The following AMDHD1 variants were observed in gnomAD, a reference collection of about 807,000 sequenced individuals.
The protein encoded by AMDHD1 is probable imidazolonepropionase.
Under a neutral mutation model 44.1 loss-of-function variants are expected in AMDHD1, and 45 were observed. The ratio of observed to expected loss-of-function variants is 1.02; its 90% CI spans 0.80 to 1.31. The LOEUF (loss-of-function observed/expected upper bound fraction) is 1.31. Among genes scored for constraint, AMDHD1 ranks in the 50% most tolerant of loss-of-function variants. The probability of loss-of-function intolerance (pLI) is 0.00; values close to 1 mark genes in which losing one functional copy is unlikely to be tolerated. For missense variants in AMDHD1, 586 were observed against 552.1 expected, an observed-to-expected ratio of 1.06 and a Z score of -0.61; for synonymous variants, 206 against 205.0, an observed-to-expected ratio of 1.00 and a Z score of -0.04.
chr12:95,961,181 C>T (rs1306446537), intron 5 of AMDHD1, among the ~76,000 whole-genome samples: 5 of 150,296 alleles, frequency 3.3e-5, no homozygotes, highest in Non-Finnish European at 5.9e-5. Flanking sequence ...AGAATTACCT[C>T]AGTGATCTCT....
intron 5 of AMDHD1, among the ~76,000 whole-genome samples, chr12:95,961,693 C>T (rs1292502874): frequency 6.6e-6 from 1 of 152,232 alleles, no homozygotes; most frequent in Non-Finnish European, 1.5e-5. Flanking sequence ...TGACTGCTGC[C>T]TCTCCCTCAC....
Position 95,956,692 on chromosome 12 carries a change from G to C in AMDHD1, c.317G>C (p.Gly106Ala). 6.2e-7 allele frequency: 1 copy of C among 1,613,874 alleles called. No individual in the cohort carries two copies. Among genetic ancestry groups the C allele is most frequent in the Non-Finnish European group, 8.5e-7 (1 of 1,179,802 alleles). The change falls in exon 4 of 9, where the codon GGA becomes GCA. Residue 106 changes from glycine to alanine, a missense_variant. Gly to Ala is a moderately conservative substitution (Grantham distance 60). Transcript: ENST00000266736. ...GGTGAGGCGTGTGTTCAGTTGGCAG[G>C]AGCCACCTACATGGAAATTCACCAG... The part of the protein sequence containing the change: ...RVHEFAMKLA[G>A]ATYMEIHQAG...
rs1341637785 is a variant in AMDHD1 at position 95,943,503 on chromosome 12, G to A, written c.105G>A (p.Ala35=). ...CGCGGGATGCGCTGCGCAGCCTGGCGGTGCTGGAAGGCGCCAGCCTGGTGG... is the reference window on the plus strand; with the variant it reads ...CGCGGGATGCGCTGCGCAGCCTGGCAGTGCTGGAAGGCGCCAGCCTGGTGG... ...FLARDALRSL[A]VLEGASLVVG... Residue 35 remains alanine, a synonymous_variant, in exon 1 of 9, where the codon GCG becomes GCA. Transcript: ENST00000266736. The A allele has an allele frequency of 1.3e-6, 2 of 1,493,062 alleles. No individual in the cohort carries two copies. Among genetic ancestry groups the A allele is most frequent in the Non-Finnish European group, 1.8e-6 (2 of 1,124,602 alleles). The allele number at this position is 1,493,062 out of a possible 1,614,324, so 92.5% of individuals were successfully genotyped here. A position where few individuals can be genotyped will look rare whatever the true frequency, so the allele number is the denominator to read the frequency against.
intron 6 of AMDHD1, 106 bp from the exon 7 acceptor site, chr12:95,965,580 T>C: frequency 1.6e-6 from 1 of 618,088 alleles, no homozygotes; most frequent in Middle Eastern, 2.7e-4. Context: ...TGCTTCTTCT[T>C]CCAGAATATG....
intron 1 of AMDHD1, among the ~76,000 whole-genome samples, chr12:95,944,495 C>T (rs1214613354): frequency 1.3e-5 from 2 of 151,694 alleles, no homozygotes; most frequent in South Asian, 2.1e-4. Flanking sequence ...GGCTCAACTG[C>T]GATCTCCACC....
At position 95,943,358 on chromosome 12, in the gene AMDHD1, C is replaced by G; in HGVS notation, c.-41C>G. On this transcript the variant is annotated 5_prime_UTR_variant, in exon 1 of 9. Transcript: ENST00000266736. ...CCTCCACTGAGTCCTGCCGGTGGCCCGAGCCCGGTGGCCTCCCGGCGACCC... is the reference window on the plus strand; with the variant it reads ...CCTCCACTGAGTCCTGCCGGTGGCCGGAGCCCGGTGGCCTCCCGGCGACCC... The G allele has an allele frequency of 1.4e-6, 2 of 1,459,694 alleles. No individual in the cohort carries two copies. The highest frequency in any genetic ancestry group is 1.8e-6 in the Non-Finnish European group (2 of 1,113,412). 90.4% of individuals were successfully genotyped at this position (1,459,694 alleles called of 1,614,324 possible). A position where few individuals can be genotyped will look rare whatever the true frequency, so the allele number is the denominator to read the frequency against.
chr12:95,948,021 T>G (rs1286340163), intron 1 of AMDHD1, among the ~76,000 whole-genome samples: 1 of 15,232 alleles, frequency 6.6e-5, no homozygotes, highest in South Asian at 2.3e-3. Context: ...CCAGCCGCCC[T>G]GTCCGGGAGG....
At chr12:95,961,924 G>A (rs1592825991) in intron 5 of AMDHD1, among the ~76,000 whole-genome samples, 1 of 152,298 alleles carries the variant, frequency 6.6e-6, no homozygotes, top group East Asian at 1.9e-4. Flanking sequence ...GGCTTACAAC[G>A]GTTGGTTGGC....
Position 95,956,822 on chromosome 12 carries a change from C to T in AMDHD1, c.447C>T (p.Gly149=), listed in dbSNP as rs1464601930. The part of the protein sequence containing the change: ...QQRLQCMMRA[G]TTLVECKSGY... ...GGCTCCAGTGCATGATGAGGGCTGG[C>T]ACCACGCTGGTGGAGTGCAAGAGTG... The change falls in exon 4 of 9, where the codon GGC becomes GGT. Residue 149 remains glycine (G), a synonymous_variant. Transcript: ENST00000266736. The T allele has an allele frequency of 5.0e-6, 8 of 1,614,070 alleles. No individual in the cohort carries two copies. The highest frequency in any genetic ancestry group is 1.7e-5 in the Admixed American group (1 of 60,006).
At chr12:95,955,171 G>C (rs376794455) in intron 3 of AMDHD1, among the ~76,000 whole-genome samples, 196 bp downstream of exon 3, 1 of 152,096 alleles carries the variant, frequency 6.6e-6, no homozygotes, top group South Asian at 2.1e-4. Context: ...TATACACAGG[G>C]CTATTCCTGC....
At chr12:95,953,708 A>G (rs2080535421) in intron 2 of AMDHD1, among the ~76,000 whole-genome samples, 1 of 152,072 alleles carries the variant, frequency 6.6e-6, no homozygotes, top group African/African-American at 2.4e-5. Flanking sequence ...CAGTCTCCTA[A>G]GTAGCTGGAT....
chr12:95,956,137 C>G (rs560001057), intron 3 of AMDHD1, among the ~76,000 whole-genome samples: 15 of 152,052 alleles, frequency 9.9e-5, no homozygotes, highest in Non-Finnish European at 1.8e-4. Flanking sequence ...GAGATAGAGT[C>G]TCGCTCTGTC....
chr12:95,950,483 G>A (rs2080521137), intron 1 of AMDHD1, among the ~76,000 whole-genome samples: 9 of 152,172 alleles, frequency 5.9e-5, no homozygotes. Context: ...CAATCTCCAT[G>A]TTGGAAATAC....
At chr12:95,944,552 G>T (rs1460347918) in intron 1 of AMDHD1, among the ~76,000 whole-genome samples, 13 of 151,622 alleles carry the variant, frequency 8.6e-5, no homozygotes, top group African/African-American at 3.2e-4. Context: ...AAGCAGCTGG[G>T]ACTACAGGTG....
intron 1 of AMDHD1, among the ~76,000 whole-genome samples, chr12:95,947,752 G>C (rs1428851715): frequency 1.5e-5 from 1 of 66,358 alleles, no homozygotes; most frequent in Admixed American, 1.4e-4. Context: ...CGCCCCGTCC[G>C]GGAGGGAGGT....
In AMDHD1 at chr12:95,945,921, G is replaced by A. The variant is rs189269598; in HGVS notation, c.137+2386G>A. On this transcript the variant is annotated intron_variant, in intron 1 of 8. Coordinates refer to ENST00000266736, the MANE Select transcript of AMDHD1 (RefSeq NM_152435.3). The stretch of plus-strand genomic sequence containing the variant: ...GTCCTGGAAAAGAATATGGTTTGAG[G>A]GACACCAGAAACTCCCCCTTCCTAA... 3.5e-3 allele frequency among the ~76,000 whole-genome samples: 530 copies of A among 152,032 alleles called. 4 individuals are homozygous for A. The highest frequency in any genetic ancestry group is 0.012 in the African/African-American group (505 of 41,468).
Position 95,968,668 on chromosome 12 carries a change from A to G in AMDHD1, c.*825A>G, listed in dbSNP as rs1351407832. The G allele has an allele frequency of 6.6e-6, 1 of 152,240 alleles. No homozygotes were observed. The highest frequency in any genetic ancestry group is 1.5e-5 in the Non-Finnish European group (1 of 68,030). 9.4% of individuals were successfully genotyped at this position (152,240 alleles called of 1,614,324 possible). ...AGAGTTTTTAGGAAATTACAAAATT[A>G]TTTGTAAAGAGTCGATAATTATTTA... On this transcript the variant is annotated 3_prime_UTR_variant, in exon 9 of 9. Transcript: ENST00000266736.
Position 95,943,370 on chromosome 12 carries a change from C to A in AMDHD1, c.-29C>A, listed in dbSNP as rs2136754472. ...CCTGCCGGTGGCCCGAGCCCGGTGGCCTCCCGGCGACCCTCGGCGCGAGGC... is the reference window on the plus strand; with the variant it reads ...CCTGCCGGTGGCCCGAGCCCGGTGGACTCCCGGCGACCCTCGGCGCGAGGC... On this transcript the variant is annotated 5_prime_UTR_variant, in exon 1 of 9. Coordinates refer to ENST00000266736, the MANE Select transcript of AMDHD1 (RefSeq NM_152435.3). The A allele has an allele frequency of 8.0e-7, 1 of 1,251,544 alleles. No homozygotes were observed. Among genetic ancestry groups the A allele is most frequent in the South Asian group, 1.3e-5 (1 of 74,572 alleles). 77.5% of individuals were successfully genotyped at this position (1,251,544 alleles called of 1,614,324 possible).
rs547056639 is a variant in AMDHD1 at position 95,961,019 on chromosome 12, G to A, written c.813+396G>A. Among the ~76,000 whole-genome samples, 17 of 151,896 alleles carry A rather than the reference G, an allele frequency of 1.1e-4. No homozygotes were observed. The East Asian group carries it at 3.1e-3, about 28-fold the overall frequency. ...ATAAAAAATTAGCGTGGTGGCACGC[G>A]CCTGTAATCCCAGCTACTCGGGAGG... is the stretch of plus-strand genomic sequence containing the variant. On this transcript the variant is annotated intron_variant, in intron 5 of 8. Coordinates refer to ENST00000266736, the MANE Select transcript of AMDHD1 (RefSeq NM_152435.3).
Sources: allele counts gnomAD v4.1 joint callset (sites outside exome capture counted in the v4.1 genomes callset), GRCh38; gene constraint gnomAD v4.1.1; transcripts MANE v1.5; gene names NCBI Gene and HGNC (gene_info 2026-07-23, HGNC 2026-07-21).